The following FBXL20 variants were observed in gnomAD, a reference collection of about 807,000 sequenced individuals.
FBXL20 encodes F-box/LRR-repeat protein 20.
In FBXL20, 11 loss-of-function variants were observed where a neutral mutation model predicts 64.0. That is an observed-to-expected ratio of 0.17 (90% CI 0.11 to 0.28). The LOEUF (loss-of-function observed/expected upper bound fraction) is 0.28. Among genes scored for constraint, FBXL20 ranks in the 10% least tolerant of loss-of-function variants. The probability of loss-of-function intolerance (pLI) is 1.00; values close to 1 mark genes in which losing one functional copy is unlikely to be tolerated. For synonymous variants in FBXL20, 184 were observed against 189.0 expected (o/e 0.97, Z 0.22); for missense variants, 303 against 526.2 (o/e 0.58, Z 4.15).
chr17:39,313,964 A>G (rs150852396), intron 2 of FBXL20, among the ~76,000 whole-genome samples: 21 of 152,262 alleles, frequency 1.4e-4, no homozygotes, highest in Middle Eastern at 3.4e-3. Context: ...TACACACTTT[A>G]AAGTGCATAA....
chr17:39,376,016 G>A (rs2047963596), intron 1 of FBXL20, among the ~76,000 whole-genome samples: 1 of 152,126 alleles, frequency 6.6e-6, no homozygotes, highest in Admixed American at 6.6e-5. Context: ...CTACTTGGGA[G>A]GCTGAGGCAG....
At chr17:39,283,506 G>A (rs2144393110) in intron 7 of FBXL20, among the ~76,000 whole-genome samples, 1 of 152,098 alleles carries the variant, frequency 6.6e-6, no homozygotes, top group South Asian at 2.1e-4. Flanking sequence ...CGCCATCAGG[G>A]CTCACTACAG....
chr17:39,282,128 ATAAAG>A (rs1300715874), intron 8 of FBXL20, among the ~76,000 whole-genome samples: 2 of 152,216 alleles, frequency 1.3e-5, no homozygotes, highest in African/African-American at 2.4e-5. Flanking sequence ...CATTAATAAA[ATAAAG>A]TAGAGCCTAG....
intron 2 of FBXL20, among the ~76,000 whole-genome samples, chr17:39,330,339 T>G (rs1307489217): frequency 1.3e-5 from 2 of 149,626 alleles, no homozygotes; most frequent in African/African-American, 4.9e-5. Context: ...ATAGGCCAGG[T>G]GCAGTGGCTC....
In FBXL20 at chr17:39,264,175, CCT is replaced by C; in HGVS notation, c.1201_1202del (p.Arg401AspfsTer7). ...QITRAGIKRL[R>X]THLPNIKVHA... ...TGGAGAGTTATGTAGCCATTTTTAC[CCT>C]GAGTCTCTTGATTCCAGCCCGTGTG... On this transcript the variant is annotated frameshift_variant and splice_region_variant, in exon 14 of 15. Coordinates refer to ENST00000264658, the MANE Select transcript of FBXL20 (RefSeq NM_032875.3). LOFTEE classifies it high-confidence loss of function. 6.2e-7 allele frequency: 1 copy of C among 1,613,950 alleles called. No individual in the cohort carries two copies. The highest frequency in any genetic ancestry group is 8.5e-7 in the Non-Finnish European group (1 of 1,179,896).
intron 2 of FBXL20, among the ~76,000 whole-genome samples, chr17:39,322,046 A>G (rs1467728109): frequency 6.6e-6 from 1 of 151,912 alleles, no homozygotes; most frequent in African/African-American, 2.4e-5. Flanking sequence ...ACTAACCACA[A>G]GACCAAATGC....
At chr17:39,338,511 A>G (rs1413065196) in intron 2 of FBXL20, among the ~76,000 whole-genome samples, 1 of 149,138 alleles carries the variant, frequency 6.7e-6, no homozygotes, top group Non-Finnish European at 1.5e-5. Flanking sequence ...CCCCTCTGCG[A>G]GAAACACCAG....
At chr17:39,400,980 G>A (rs887459437) in intron 1 of FBXL20, among the ~76,000 whole-genome samples, 9 of 152,194 alleles carry the variant, frequency 5.9e-5, no homozygotes, top group Non-Finnish European at 1.2e-4. Context: ...CAACAAACGC[G>A]TCATGAAGGT....
chr17:39,264,608 T>C (rs1326127772), intron 13 of FBXL20, among the ~76,000 whole-genome samples: 1 of 152,234 alleles, frequency 6.6e-6, no homozygotes, highest in Non-Finnish European at 1.5e-5. Context: ...ATATATTTTA[T>C]AAATTCATGT....
At chr17:39,269,226 T>C (rs887615692) in intron 11 of FBXL20, among the ~76,000 whole-genome samples, 2 of 151,968 alleles carry the variant, frequency 1.3e-5, no homozygotes, top group African/African-American at 2.4e-5. Flanking sequence ...GGAGTCTGGC[T>C]CTTGTCACCT....
intron 1 of FBXL20, among the ~76,000 whole-genome samples, chr17:39,353,701 C>A (rs2047710102): frequency 6.6e-6 from 1 of 151,962 alleles, no homozygotes. Context: ...TGGCTCACTG[C>A]AACCTCCACC....
At chr17:39,302,392 G>A (rs76887407) in intron 3 of FBXL20, among the ~76,000 whole-genome samples, 1 of 52,626 alleles carries the variant, frequency 1.9e-5, no homozygotes, top group African/African-American at 8.7e-5. Context: ...TTTTTTTTTT[G>A]AGACGGAGTC....
intron 1 of FBXL20, among the ~76,000 whole-genome samples, chr17:39,376,117 T>A (rs533216209): frequency 2.6e-5 from 4 of 152,004 alleles, no homozygotes; most frequent in Admixed American, 6.6e-5. Flanking sequence ...AGACTCCATC[T>A]CAAAAAATAA....
chr17:39,281,514 G>T, intron 8 of FBXL20, 51 bp from the exon 9 acceptor site: 2 of 1,485,880 alleles, frequency 1.3e-6, no homozygotes, highest in South Asian at 1.2e-5. Flanking sequence ...TTGTCTCAAA[G>T]GAAAGAGATT....
intron 1 of FBXL20, among the ~76,000 whole-genome samples, chr17:39,360,115 T>C (rs1364896743): frequency 1.3e-5 from 2 of 152,162 alleles, no homozygotes; most frequent in African/African-American, 2.4e-5. Flanking sequence ...GGATGAACCC[T>C]GAAGACATTA....
At chr17:39,310,914 G>C (rs1386102758) in intron 2 of FBXL20, among the ~76,000 whole-genome samples, 1 of 151,926 alleles carries the variant, frequency 6.6e-6, no homozygotes, top group African/African-American at 2.4e-5. Flanking sequence ...GAACCCAGGG[G>C]GGCAGAGGTT....
chr17:39,327,192 TG>T (rs1190569639), intron 2 of FBXL20, among the ~76,000 whole-genome samples: 1 of 152,196 alleles, frequency 6.6e-6, no homozygotes, highest in African/African-American at 2.4e-5. Flanking sequence ...AGCCCTGTCT[TG>T]GCCTTTAAAA....
At chr17:39,375,270 G>A (rs1011645276) in intron 1 of FBXL20, among the ~76,000 whole-genome samples, 3 of 152,012 alleles carry the variant, frequency 2.0e-5, no homozygotes, top group Non-Finnish European at 4.4e-5. Context: ...ATTTACTTTT[G>A]TATAACTGGA....
chr17:39,330,998 G>A (rs1256116470), intron 2 of FBXL20, among the ~76,000 whole-genome samples: 1 of 152,180 alleles, frequency 6.6e-6, no homozygotes, highest in African/African-American at 2.4e-5. Context: ...CTCAAATCTT[G>A]TAGCATACCT....
Sources: gnomAD v4.1 joint callset for allele counts (sites outside exome capture counted in the v4.1 genomes callset) on GRCh38, gnomAD v4.1.1 for gene constraint, MANE v1.5 for transcripts, NCBI Gene and HGNC (gene_info 2026-07-23, HGNC 2026-07-21) for gene names.